Variants in TULP4 observed in about 807,000 individuals in gnomAD.
The protein encoded by TULP4 is tubby-related protein 4.
Under a neutral mutation model 129.0 loss-of-function variants are expected in TULP4, and 16 were observed. The observed-to-expected ratio is 0.12, with a 90% CI of 0.08 to 0.19. The LOEUF (loss-of-function observed/expected upper bound fraction) is 0.19, where lower values mean the gene tolerates loss of function less well. Among genes scored for constraint, TULP4 ranks in the 10% least tolerant of loss-of-function variants. The pLI, the probability that TULP4 is intolerant of heterozygous loss-of-function variation, is 1.00. For missense variants in TULP4, 1,842 were observed against 2,059.1 expected (o/e 0.89, Z 2.04); for synonymous variants, 998 against 854.0 (o/e 1.17, Z -2.94).
Position 158,502,193 on chromosome 6 carries a change from GC to G in TULP4, c.2535del (p.Thr846ProfsTer20). The G allele has an allele frequency of 1.4e-6, 2 of 1,455,796 alleles. No individual in the cohort carries two copies. Among genetic ancestry groups the G allele is most frequent in the Non-Finnish European group, 9.1e-7 (1 of 1,098,994 alleles). The allele number at this position is 1,455,796 out of a possible 1,614,324, so 90.2% of individuals were successfully genotyped here. ...CCCGTACCCAGGAACCATCCCCGCTGCCCCCACCACAGCAGCACCCCCGCCC... is the reference window on the plus strand; with the variant it reads ...CCCGTACCCAGGAACCATCCCCGCTGCCCCACCACAGCAGCACCCCCGCCC... ...PPPYPGTIPA[A>X]PTTAAPPPPL... On this transcript the variant is annotated frameshift_variant, in exon 13 of 14. Transcript: ENST00000367097. LOFTEE classifies it high-confidence loss of function.
intron 1 of TULP4, chr6:158,242,134 T>A: frequency 3.3e-6 from 3 of 913,726 alleles, no homozygotes; most frequent in Admixed American, 3.4e-5. Flanking sequence ...ATAGGCCATC[T>A]GACCATAAGT....
At chr6:158,290,940 C>T (rs1403839814) in intron 1 of TULP4, among the ~76,000 whole-genome samples, 1 of 152,220 alleles carries the variant, frequency 6.6e-6, no homozygotes, top group Non-Finnish European at 1.5e-5. Flanking sequence ...TTTAACCTGC[C>T]TGTGCCTCAA....
intron 1 of TULP4, among the ~76,000 whole-genome samples, chr6:158,327,256 CT>C (rs1779765382): frequency 6.6e-6 from 1 of 152,086 alleles, no homozygotes; most frequent in Non-Finnish European, 1.5e-5. Flanking sequence ...TGCATGTGTT[CT>C]TTTTTCTAGG....
intron 1 of TULP4, among the ~76,000 whole-genome samples, chr6:158,240,350 T>A (rs867775913): frequency 9.1e-4 from 18 of 19,702 alleles, no homozygotes; most frequent in East Asian, 6.3e-3. Flanking sequence ...GGGGGCTGAC[T>A]CCCCCACCTC....
Position 158,503,626 on chromosome 6 carries a change from G to T in TULP4, c.3963G>T (p.Leu1321=). The change falls in exon 13 of 14, where the codon CTG becomes CTT. Residue 1321 remains leucine (L), a synonymous_variant. Coordinates refer to ENST00000367097, the MANE Select transcript of TULP4 (RefSeq NM_020245.5). The surrounding 1 kb of genome is among the most constrained non-coding windows in gnomAD (Gnocchi z 4.3). The part of the protein sequence containing the change: ...TADNFQEVLS[L]TESPVPQRTE... ...ACAACTTCCAGGAAGTCCTCTCCCTGACCGAAAGCCCAGTCCCCCAGCGGA... is the reference window on the plus strand; with the variant it reads ...ACAACTTCCAGGAAGTCCTCTCCCTTACCGAAAGCCCAGTCCCCCAGCGGA... The T allele has an allele frequency of 6.2e-7, 1 of 1,614,064 alleles. No homozygotes were observed. The highest frequency in any genetic ancestry group is 8.5e-7 in the Non-Finnish European group (1 of 1,180,040).
chr6:158,443,444 A>T (rs1322580034), intron 3 of TULP4, among the ~76,000 whole-genome samples: 1 of 152,118 alleles, frequency 6.6e-6, no homozygotes, highest in African/African-American at 2.4e-5. Flanking sequence ...TTGGTTCTGT[A>T]GTCAGACTAT....
intron 1 of TULP4, among the ~76,000 whole-genome samples, chr6:158,265,235 T>C (rs114248767): frequency 0.032 from 4,798 of 152,196 alleles, 97 homozygotes; most frequent in Non-Finnish European, 0.04. Flanking sequence ...CCAGAACCTG[T>C]CTTCTGATTC....
At chr6:158,452,061 G>A in intron 4 of TULP4, 73 bp from the exon 5 acceptor site, 1 of 1,583,380 alleles carries the variant, frequency 6.3e-7, no homozygotes, top group Non-Finnish European at 8.6e-7. Flanking sequence ...CACCATGCAA[G>A]ATTTCAGCTT....
chr6:158,322,519 TAG>T (rs1779663323), intron 1 of TULP4, among the ~76,000 whole-genome samples: 1 of 152,110 alleles, frequency 6.6e-6, no homozygotes, highest in South Asian at 2.1e-4. Flanking sequence ...AGTGATGAAA[TAG>T]TAAAGTACTC....
At chr6:158,391,495 A>G (rs1048105164) in intron 1 of TULP4, among the ~76,000 whole-genome samples, 1 of 152,248 alleles carries the variant, frequency 6.6e-6, no homozygotes, top group Non-Finnish European at 1.5e-5. Flanking sequence ...AAACCTACAA[A>G]GGCAAAGTTG....
chr6:158,396,616 A>C, intron 1 of TULP4, among the ~76,000 whole-genome samples: 1 of 152,218 alleles, frequency 6.6e-6, no homozygotes, highest in East Asian at 1.9e-4. Flanking sequence ...CATATATGAA[A>C]GCATATAAAT....
chr6:158,278,638 T>C (rs535104199), upstream of TULP4, among the ~76,000 whole-genome samples: 9 of 152,370 alleles, frequency 5.9e-5, no homozygotes, highest in South Asian at 1.9e-3. Flanking sequence ...GTTGCTCTGA[T>C]AATAGTGGGA....
At chr6:158,396,734 T>C (rs935697860) in intron 1 of TULP4, among the ~76,000 whole-genome samples, 2 of 152,240 alleles carry the variant, frequency 1.3e-5, no homozygotes, top group Non-Finnish European at 2.9e-5. Context: ...CTTAGGCTGC[T>C]TTCTATACAG....
chr6:158,424,129 G>T (rs1778420023), intron 2 of TULP4, among the ~76,000 whole-genome samples: 2 of 152,266 alleles, frequency 1.3e-5, no homozygotes, highest in African/African-American at 4.8e-5. Context: ...TGTTCATACA[G>T]TCATCCCTTG....
chr6:158,335,988 A>G (rs1157977600), intron 1 of TULP4, among the ~76,000 whole-genome samples: 1 of 152,250 alleles, frequency 6.6e-6, no homozygotes, highest in African/African-American at 2.4e-5. Flanking sequence ...ATGTGAAGAC[A>G]TATATAGTTT....
chr6:158,248,754 A>G (rs978417517), intron 1 of TULP4, among the ~76,000 whole-genome samples: 13 of 151,660 alleles, frequency 8.6e-5, no homozygotes, highest in South Asian at 6.2e-4. Flanking sequence ...AAATAAATAA[A>G]TAAGTAAGTA....
rs1777329350 is a variant in TULP4 at position 158,381,673 on chromosome 6, G to A, written c.253-31392G>A. ...GTGTGGAGGAGAAATGACTGGCTGT[G>A]TAGGGTGGATTTTGCATTATGAACT... On this transcript the variant is annotated intron_variant, in intron 1 of 13. Transcript: ENST00000367097. Among the ~76,000 whole-genome samples the A allele has an allele frequency of 1.3e-5, 2 of 152,196 alleles. 1 individual carries two copies. The highest frequency in any genetic ancestry group is 4.1e-4 in the South Asian group (2 of 4,828).
At chr6:158,267,312 G>C (rs1778463131) in intron 1 of TULP4, among the ~76,000 whole-genome samples, 1 of 152,164 alleles carries the variant, frequency 6.6e-6, no homozygotes. Context: ...CCATCAAGTA[G>C]ATAAATCATA....
chr6:158,320,788 C>T (rs190743320), intron 1 of TULP4, among the ~76,000 whole-genome samples: 6 of 152,188 alleles, frequency 3.9e-5, no homozygotes, highest in Admixed American at 3.9e-4. Context: ...TGCTGGAATT[C>T]GTTTTGTTAT....
Sources: allele counts gnomAD v4.1 joint callset (sites outside exome capture counted in the v4.1 genomes callset), GRCh38; gene constraint gnomAD v4.1.1; non-coding constraint Gnocchi (gnomAD v3.1); transcripts MANE v1.5; gene names NCBI Gene and HGNC (gene_info 2026-07-23, HGNC 2026-07-21).